The following SLIT2 variants were observed in gnomAD, a reference collection of about 807,000 sequenced individuals.
SLIT2 encodes the protein slit guidance ligand 2, also known as slit homolog 2 protein.
In SLIT2, 41 loss-of-function variants were observed where a neutral mutation model predicts 185.7. The ratio of observed to expected loss-of-function variants is 0.22; its 90% CI spans 0.17 to 0.29. The LOEUF (loss-of-function observed/expected upper bound fraction) is 0.29. Among genes scored for constraint, SLIT2 ranks in the 10% least tolerant of loss-of-function variants. The pLI is 1.00. For missense variants in SLIT2, 1,571 were observed against 1,909.0 expected (o/e 0.82, Z 3.30); for synonymous variants, 693 against 680.2 (o/e 1.02, Z -0.29).
intron 3 of SLIT2, among the ~76,000 whole-genome samples, chr4:20,265,606 T>C (rs754576223): frequency 2.6e-5 from 4 of 151,870 alleles, no homozygotes; most frequent in Non-Finnish European, 5.9e-5. Flanking sequence ...TTTCATGAAA[T>C]AATTATAAAG....
At chr4:20,362,136 G>A (rs76741328) in intron 4 of SLIT2, among the ~76,000 whole-genome samples, 4 of 151,984 alleles carry the variant, frequency 2.6e-5, no homozygotes, top group Admixed American at 1.3e-4. Flanking sequence ...CCTTTCCTGC[G>A]CTGGATGGCC....
intron 29 of SLIT2, among the ~76,000 whole-genome samples, chr4:20,576,066 T>C (rs1284515049): frequency 6.6e-6 from 1 of 152,232 alleles, no homozygotes; most frequent in African/African-American, 2.4e-5. Flanking sequence ...GAAAACACTT[T>C]GAATTGGTAA....
chr4:20,334,143 CCTCG>C (rs1483992196), intron 4 of SLIT2, among the ~76,000 whole-genome samples: 10 of 151,842 alleles, frequency 6.6e-5, no homozygotes, highest in African/African-American at 2.4e-4. Flanking sequence ...TATGGTTATC[CCTCG>C]CTAGAGAAAT....
intron 4 of SLIT2, among the ~76,000 whole-genome samples, chr4:20,374,906 A>G (rs1014012619): frequency 3.9e-5 from 6 of 152,128 alleles, no homozygotes; most frequent in Non-Finnish European, 8.8e-5. Flanking sequence ...ACAAATGTCA[A>G]TAAGTCACAG....
chr4:20,310,280 C>G (rs879771916), intron 4 of SLIT2, among the ~76,000 whole-genome samples: 3 of 152,154 alleles, frequency 2.0e-5, no homozygotes, highest in Non-Finnish European at 4.4e-5. Context: ...ATCTCTGTCT[C>G]TTTTTACTAT....
Position 20,410,415 on chromosome 4 carries a change from AT to A in SLIT2, c.396-57325del, listed in dbSNP as rs373208655. Among the ~76,000 whole-genome samples, 826 of 141,150 alleles carry A rather than the reference AT, an allele frequency of 5.9e-3. 9 individuals are homozygous for A. Among genetic ancestry groups the A allele is most frequent in the African/African-American group, 0.017 (663 of 38,522 alleles). The allele number at this position is 141,150 out of a possible 152,430, so 92.6% of individuals were successfully genotyped here. Reference sequence around the variant, plus strand: ...AGGTGCCTGCCACCATGCCCAGCTAATTTTTTTTTTTTGTATTGTTAGTAGA... The same window carrying A: ...AGGTGCCTGCCACCATGCCCAGCTAATTTTTTTTTTTGTATTGTTAGTAGA... On this transcript the variant is annotated intron_variant, in intron 4 of 36. Coordinates refer to ENST00000504154, the MANE Select transcript of SLIT2 (RefSeq NM_004787.4).
intron 16 of SLIT2, among the ~76,000 whole-genome samples, chr4:20,531,701 A>G (rs1287671472): frequency 6.6e-6 from 1 of 152,014 alleles, no homozygotes; most frequent in Non-Finnish European, 1.5e-5. Context: ...ACGATAGTGG[A>G]AAAAATTAGA....
At chr4:20,379,082 A>G (rs1159941562) in intron 4 of SLIT2, among the ~76,000 whole-genome samples, 1 of 152,132 alleles carries the variant, frequency 6.6e-6, no homozygotes, top group Non-Finnish European at 1.5e-5. Flanking sequence ...ATAATGGTAG[A>G]TGCATGTTAC....
intron 5 of SLIT2, among the ~76,000 whole-genome samples, chr4:20,473,451 CATTTT>C (rs1341079624): frequency 6.6e-6 from 1 of 151,812 alleles, no homozygotes; most frequent in East Asian, 1.9e-4. Flanking sequence ...ATTCCTATGA[CATTTT>C]AGGAAGGAAG....
At chr4:20,284,565 A>G (rs143015379) in intron 4 of SLIT2, among the ~76,000 whole-genome samples, 3 of 152,310 alleles carry the variant, frequency 2.0e-5, no homozygotes, top group African/African-American at 7.2e-5. Flanking sequence ...TCTTTTTAAT[A>G]TCTTTGCGTA....
At chr4:20,511,882 A>G (rs1046796674) in intron 11 of SLIT2, among the ~76,000 whole-genome samples, 1 of 151,986 alleles carries the variant, frequency 6.6e-6, no homozygotes, top group Non-Finnish European at 1.5e-5. Context: ...ACTCTTTTTC[A>G]TCACCTTAAT....
chr4:20,397,048 A>T (rs908541667), intron 4 of SLIT2, among the ~76,000 whole-genome samples: 9 of 151,650 alleles, frequency 5.9e-5, no homozygotes, highest in Non-Finnish European at 1.0e-4. Context: ...GTTAAAACTT[A>T]AAAGGCCTGG....
chr4:20,564,437 G>T (rs1031159573), intron 26 of SLIT2, among the ~76,000 whole-genome samples: 5 of 151,894 alleles, frequency 3.3e-5, no homozygotes, highest in African/African-American at 7.2e-5. Context: ...AATAGGAAAA[G>T]AAATTATATC....
At chr4:20,474,287 C>A (rs1715871108) in intron 5 of SLIT2, among the ~76,000 whole-genome samples, 2 of 151,988 alleles carry the variant, frequency 1.3e-5, no homozygotes, top group South Asian at 2.1e-4. Flanking sequence ...AGTAGCTCAG[C>A]AGATGTCCCC....
chr4:20,264,039 C>G (rs1299471357), intron 3 of SLIT2, among the ~76,000 whole-genome samples: 1 of 151,776 alleles, frequency 6.6e-6, no homozygotes. Flanking sequence ...CATAGTCTCT[C>G]TGAGTCTATA....
chr4:20,438,832 C>T lies in SLIT2; in HGVS notation c.396-28920C>T, dbSNP rs144622991. On this transcript the variant is annotated intron_variant, in intron 4 of 36. Transcript: ENST00000504154. Reference sequence around the variant, plus strand: ...TATTCTTCCCTATGCAATGTGCTACCTACTTAATGCGGTTTATGTGTCATT... The same window carrying T: ...TATTCTTCCCTATGCAATGTGCTACTTACTTAATGCGGTTTATGTGTCATT... Among the ~76,000 whole-genome samples, 17 of 152,316 alleles carry T rather than the reference C, an allele frequency of 1.1e-4. No homozygotes were observed. The East Asian group carries it at 3.3e-3, about 29-fold the overall frequency.
At chr4:20,557,724 A>C (rs1724377449) in intron 26 of SLIT2, among the ~76,000 whole-genome samples, 1 of 152,086 alleles carries the variant, frequency 6.6e-6, no homozygotes. Flanking sequence ...GCAGCTGTAC[A>C]TAGTGGTTCT....
intron 25 of SLIT2, chr4:20,552,716 A>G (rs1483330851): frequency 1.3e-5 from 2 of 152,154 alleles, no homozygotes. Context: ...CTACACATAT[A>G]TTTCAGGGGC....
intron 4 of SLIT2, among the ~76,000 whole-genome samples, chr4:20,387,586 AT>A (rs1725031085): frequency 6.6e-6 from 1 of 152,132 alleles, no homozygotes; most frequent in African/African-American, 2.4e-5. Flanking sequence ...AGAAAGTGCC[AT>A]GGGAAAATAC....
Sources: gnomAD v4.1 joint callset for allele counts (sites outside exome capture counted in the v4.1 genomes callset) on GRCh38, gnomAD v4.1.1 for gene constraint, MANE v1.5 for transcripts, NCBI Gene and HGNC (gene_info 2026-07-23, HGNC 2026-07-21) for gene names.